PROSER1: variants seen among roughly 807,000 people sequenced by gnomAD.
PROSER1 encodes the protein proline and serine-rich protein 1.
In PROSER1, 36 loss-of-function variants were observed where a neutral mutation model predicts 71.8. The ratio of observed to expected loss-of-function variants is 0.50; its 90% CI spans 0.38 to 0.66. The LOEUF (loss-of-function observed/expected upper bound fraction) is 0.66. PROSER1 is among the 30% of genes least tolerant of loss of function. PROSER1 has a pLI of 0.00. For missense variants in PROSER1, 1,107 were observed against 1,135.0 expected (o/e 0.98, Z 0.35); for synonymous variants, 490 against 452.4 (o/e 1.08, Z -1.06).
chr13:39,028,484 T>C (rs1870654407), intron 4 of PROSER1, among the ~76,000 whole-genome samples, 164 bp from the exon 5 acceptor site: 1 of 152,196 alleles, frequency 6.6e-6, no homozygotes, highest in Non-Finnish European at 1.5e-5. Context: ...AACATGTTTA[T>C]ATATAAATAT....
In PROSER1 at chr13:39,017,550, T is replaced by G; in HGVS notation, c.731-6A>C. On this transcript the variant is annotated splice_region_variant and splice_polypyrimidine_tract_variant and intron_variant, in intron 9 of 12. Transcript: ENST00000352251. ...ATTCGAAAGGTCTTCATTCTCTATA[T>G]AAAAATAAATAAAAGTTCATTTTAA... The G allele has an allele frequency of 7.2e-7, 1 of 1,382,196 alleles. No homozygotes were observed. Among genetic ancestry groups the G allele is most frequent in the Non-Finnish European group, 1.0e-6 (1 of 998,884 alleles). The allele number at this position is 1,382,196 out of a possible 1,614,324, so 85.6% of individuals were successfully genotyped here.
At chr13:39,035,720 A>C (rs548654414) in intron 1 of PROSER1, among the ~76,000 whole-genome samples, 1 of 152,324 alleles carries the variant, frequency 6.6e-6, no homozygotes, top group East Asian at 1.9e-4. Flanking sequence ...CTATCATATA[A>C]ACTCACTGTG....
intron 10 of PROSER1, among the ~76,000 whole-genome samples, chr13:39,015,881 A>G (rs933181551): frequency 6.6e-6 from 1 of 152,242 alleles, no homozygotes; most frequent in African/African-American, 2.4e-5. Context: ...TTTCTTTTAT[A>G]AGAACTAAAA....
intron 1 of PROSER1, among the ~76,000 whole-genome samples, chr13:39,034,518 T>C (rs1871005726): frequency 6.6e-6 from 1 of 152,228 alleles, no homozygotes; most frequent in Admixed American, 6.5e-5. Flanking sequence ...AAATATGTAA[T>C]TAAAGAGTTT....
At chr13:39,035,372 CAT>C (rs1871048105) in intron 1 of PROSER1, among the ~76,000 whole-genome samples, 1 of 152,182 alleles carries the variant, frequency 6.6e-6, no homozygotes, top group Non-Finnish European at 1.5e-5. Context: ...GCTCTGCAAG[CAT>C]AGTTTGAATA....
chr13:39,033,055 G>C (rs1870933075), intron 2 of PROSER1, among the ~76,000 whole-genome samples: 1 of 152,032 alleles, frequency 6.6e-6, no homozygotes, highest in East Asian at 1.9e-4. Context: ...TGAACAGCTG[G>C]GATTACAGGC....
At chr13:39,035,065 C>G (rs116335234) in intron 1 of PROSER1, among the ~76,000 whole-genome samples, 1 of 152,142 alleles carries the variant, frequency 6.6e-6, no homozygotes, top group Non-Finnish European at 1.5e-5. Context: ...TTTGCTTGTA[C>G]TATAAAATAA....
intron 11 of PROSER1, chr13:39,012,467 T>C: frequency 1.6e-6 from 1 of 642,262 alleles, no homozygotes; most frequent in South Asian, 2.1e-5. Flanking sequence ...TTCTGCTGTC[T>C]TATAAATAAA....
chr13:39,012,173 C>A lies in PROSER1; in HGVS notation c.2622G>T (p.Pro874=). The A allele has an allele frequency of 6.2e-7, 1 of 1,613,954 alleles. No individual in the cohort carries two copies. The highest frequency in any genetic ancestry group is 2.2e-5 in the East Asian group (1 of 44,868). Residue 874 remains proline, a synonymous_variant, in exon 12 of 13, where the codon CCG becomes CCT. Coordinates refer to ENST00000352251, the MANE Select transcript of PROSER1 (RefSeq NM_025138.5). ...SSVFPGLLSL[P]GIPGFPQNPS... ...GATTCTGAGGAAACCCAGGGATACC[C>A]GGGAGGGACAAAAGGCCTGGAAAAA...
At chr13:39,029,258 A>T in intron 4 of PROSER1, 23 bp downstream of exon 4, 1 of 1,314,938 alleles carries the variant, frequency 7.6e-7, no homozygotes, top group South Asian at 1.5e-5. Context: ...AAAAAAAAAA[A>T]AAAAAAAAAA....
chr13:39,019,227 C>G (rs929635289), intron 9 of PROSER1, among the ~76,000 whole-genome samples: 3 of 151,636 alleles, frequency 2.0e-5, no homozygotes, highest in African/African-American at 7.3e-5. Flanking sequence ...AGAGGTCGGG[C>G]GCAGTGGCTC....
At position 39,011,309 on chromosome 13, in the gene PROSER1, T is replaced by G. The variant is rs1359188317; in HGVS notation, c.*56A>C. ...GCTTCACATTTGTCAGATTGTTCATTGCAGTTCTCAGGCAATTCTGATGTT... is the reference window on the plus strand; with the variant it reads ...GCTTCACATTTGTCAGATTGTTCATGGCAGTTCTCAGGCAATTCTGATGTT... On this transcript the variant is annotated 3_prime_UTR_variant, in exon 13 of 13. Transcript: ENST00000352251. The G allele has an allele frequency of 6.3e-7, 1 of 1,578,786 alleles. No individual in the cohort carries two copies. Among genetic ancestry groups the G allele is most frequent in the African/African-American group, 1.4e-5 (1 of 74,072 alleles).
intron 2 of PROSER1, among the ~76,000 whole-genome samples, chr13:39,031,969 G>T (rs1281873798): frequency 6.6e-6 from 1 of 152,088 alleles, no homozygotes; most frequent in Non-Finnish European, 1.5e-5. Context: ...CACTGGTCTA[G>T]AAAGAAAGAA....
At chr13:39,023,194 GTCTT>G in intron 7 of PROSER1, 64 bp from the exon 8 acceptor site, 2 of 1,256,164 alleles carry the variant, frequency 1.6e-6, no homozygotes, top group Non-Finnish European at 2.3e-6. Flanking sequence ...CTGGCAACTT[GTCTT>G]TCAAAATATT....
At chr13:39,026,463 A>T in intron 5 of PROSER1, 76 bp from the exon 6 acceptor site, 1 of 821,284 alleles carries the variant, frequency 1.2e-6, no homozygotes, top group South Asian at 1.7e-5. Context: ...GAGCTCAGCT[A>T]AAAAAAACAT....
In PROSER1 at chr13:39,029,334, G is replaced by C. The variant is rs1870718286; in HGVS notation, c.222C>G (p.Leu74=). ...AVQPTEVVNI[L]NCFTFSKDKL... is the part of the protein sequence containing the mutation. ...TGTCTTTACTGAAAGTGAAACAGTT[G>C]AGTATATTGACCACTTCTGTTGGCT... The change falls in exon 4 of 13, where the codon CTC becomes CTG. Residue 74 remains leucine, a synonymous_variant. Coordinates refer to ENST00000352251, the MANE Select transcript of PROSER1 (RefSeq NM_025138.5). 6.5e-7 allele frequency: 1 copy of C among 1,543,770 alleles called. No individual in the cohort carries two copies. Among genetic ancestry groups the C allele is most frequent in the African/African-American group, 1.4e-5 (1 of 70,454 alleles).
chr13:39,020,041 A>C (rs982052559), intron 9 of PROSER1, among the ~76,000 whole-genome samples: 1 of 151,210 alleles, frequency 6.6e-6, no homozygotes, highest in African/African-American at 2.4e-5. Context: ...AACTCAGCTG[A>C]TATTATTTTA....
Position 39,013,760 on chromosome 13 carries a change from C to A in PROSER1, c.1492G>T (p.Ala498Ser), listed in dbSNP as rs1376440546. Residue 498 changes from alanine to serine, a missense_variant, in exon 11 of 13, where the codon GCT becomes TCT. Physicochemically the swap from Ala to Ser is moderately conservative, Grantham distance 99 (BLOSUM62 1). Transcript: ENST00000352251. ...TGAAGAGTAAGAGAAGATAGTGAAGCCAGCCCACTTGTGACAGCAGAGGAT... is the reference window on the plus strand; with the variant it reads ...TGAAGAGTAAGAGAAGATAGTGAAGACAGCCCACTTGTGACAGCAGAGGAT... ...ALSSAVTSGLASLSSLTLQNS... is the reference protein window; with the variant it reads ...ALSSAVTSGLSSLSSLTLQNS... 6.2e-7 allele frequency: 1 copy of A among 1,614,020 alleles called. No individual in the cohort carries two copies. Among genetic ancestry groups the A allele is most frequent in the Admixed American group, 1.7e-5 (1 of 59,996 alleles).
At chr13:39,014,994 T>G (rs9576698) in intron 10 of PROSER1, among the ~76,000 whole-genome samples, 2 of 151,904 alleles carry the variant, frequency 1.3e-5, no homozygotes, top group South Asian at 4.2e-4. Flanking sequence ...ATCTGTACAG[T>G]TGCCCCGCCC....
Sources: gnomAD v4.1 joint callset for allele counts (sites outside exome capture counted in the v4.1 genomes callset) on GRCh38, gnomAD v4.1.1 for gene constraint, MANE v1.5 for transcripts, NCBI Gene and HGNC (gene_info 2026-07-23, HGNC 2026-07-21) for gene names.